Variants in NRG3 observed in about 807,000 individuals in gnomAD.
NRG3 encodes the protein pro-neuregulin-3, membrane-bound isoform.
A neutral mutation model predicts 66.9 loss-of-function variants in NRG3; 31 were observed. The observed-to-expected ratio is 0.46, with a 90% CI of 0.35 to 0.63. The LOEUF (loss-of-function observed/expected upper bound fraction) is 0.63. Ranked by LOEUF, NRG3 falls within the 20% of genes least tolerant of loss-of-function variation. The probability of loss-of-function intolerance (pLI) is 0.00; values close to 1 mark genes in which losing one functional copy is unlikely to be tolerated. For synonymous variants in NRG3, 393 were observed against 359.4 expected (o/e 1.09, Z -1.06); for missense variants, 910 against 878.9 (o/e 1.04, Z -0.45).
intron 1 of NRG3, among the ~76,000 whole-genome samples, chr10:82,174,970 T>A (rs541607821): frequency 1.3e-5 from 2 of 152,310 alleles, no homozygotes; most frequent in East Asian, 3.9e-4. Flanking sequence ...TACTCTAAAT[T>A]GATTTTTCCC....
rs529277035 is a variant in NRG3, at chr10:82,216,923, T to G, written c.824-141816T>G. ...CAAATATCAGGTTGTCTGATCTTAT[T>G]CAGTATGCCATTTGGCTTAAGAAGT... On this transcript the variant is annotated intron_variant, in intron 1 of 8. Coordinates refer to ENST00000372141, the MANE Select transcript of NRG3 (RefSeq NM_001010848.4). 2.0e-5 allele frequency among the ~76,000 whole-genome samples: 3 copies of G among 152,306 alleles called. No homozygotes were observed. In the East Asian group the frequency reaches 5.8e-4, roughly 29 times the overall value.
intron 1 of NRG3, among the ~76,000 whole-genome samples, chr10:81,903,716 G>A (rs1486392940): frequency 2.0e-5 from 3 of 152,202 alleles, no homozygotes; most frequent in Non-Finnish European, 2.9e-5. Context: ...CCTTGCCCAA[G>A]CAACAGTACA....
At chr10:82,101,272 TTTTGA>T (rs2066708641) in intron 1 of NRG3, among the ~76,000 whole-genome samples, 1 of 151,924 alleles carries the variant, frequency 6.6e-6, no homozygotes, top group South Asian at 2.1e-4. Context: ...TTAAAGCAGC[TTTTGA>T]TTTAATTGAT....
chr10:82,224,655 A>G (rs2076089969), intron 1 of NRG3, among the ~76,000 whole-genome samples: 1 of 152,214 alleles, frequency 6.6e-6, no homozygotes, highest in Non-Finnish European at 1.5e-5. Context: ...TGAAATCTAC[A>G]TGACTTAACC....
At position 82,350,142 on chromosome 10, in the gene NRG3, G is replaced by C. The variant is rs181485723; in HGVS notation, c.824-8597G>C. Among the ~76,000 whole-genome samples the C allele has an allele frequency of 4.6e-5, 7 of 152,270 alleles. No individual in the cohort carries two copies. In the East Asian group the frequency reaches 1.2e-3, roughly 25 times the overall value. On this transcript the variant is annotated intron_variant, in intron 1 of 8. Coordinates refer to ENST00000372141, the MANE Select transcript of NRG3 (RefSeq NM_001010848.4). ...GAACATGAAAAAATAAAAAAACCTT[G>C]ATTATTAGCCTCAGGTATGTTCACA...
At chr10:82,401,444 TAG>T (rs527394230) in intron 2 of NRG3, among the ~76,000 whole-genome samples, 285 of 152,176 alleles carry the variant, frequency 1.9e-3, no homozygotes, top group African/African-American at 6.7e-3. Context: ...TGCTTCTAGA[TAG>T]AGAGAAGTAT....
chr10:82,397,651 G>T (rs2086798944), intron 2 of NRG3, among the ~76,000 whole-genome samples: 1 of 152,072 alleles, frequency 6.6e-6, no homozygotes, highest in Admixed American at 6.5e-5. Flanking sequence ...AAATGAATTT[G>T]TTACCTTATT....
At chr10:82,420,705 T>G (rs2088997171) in intron 2 of NRG3, among the ~76,000 whole-genome samples, 1 of 152,138 alleles carries the variant, frequency 6.6e-6, no homozygotes, top group Non-Finnish European at 1.5e-5. Flanking sequence ...TTGATGTTCA[T>G]GTATAAACCT....
intron 1 of NRG3, among the ~76,000 whole-genome samples, chr10:82,050,798 T>TACTCTGTCTCTCCAGCCATGCCTCC (rs2063555661): frequency 6.7e-6 from 1 of 148,992 alleles, no homozygotes; most frequent in Admixed American, 6.8e-5. Context: ...AGACTCCTCC[T>TACTCTGTCTCTCCAGCCATGCCTCC]ACTCTCTGTC....
Position 82,616,075 on chromosome 10 carries a change from T to A in NRG3, c.954-122502T>A, listed in dbSNP as rs147732715. ...CATTCATCCACAGGGATGACTGCCA[T>A]GTGCAAACATACACTGAAAACCTTC... On this transcript the variant is annotated intron_variant, in intron 2 of 8. Transcript: ENST00000372141. 3.5e-3 allele frequency among the ~76,000 whole-genome samples: 531 copies of A among 152,306 alleles called. 5 individuals carry two copies. The highest frequency in any genetic ancestry group is 0.012 in the African/African-American group (504 of 41,572).
intron 2 of NRG3, among the ~76,000 whole-genome samples, chr10:82,584,656 T>C (rs1429492622): frequency 6.6e-6 from 1 of 152,220 alleles, no homozygotes; most frequent in Non-Finnish European, 1.5e-5. Flanking sequence ...TTCATAATTG[T>C]TGCCTTTTTT....
intron 1 of NRG3, among the ~76,000 whole-genome samples, chr10:81,983,713 T>G (rs978813796): frequency 1.3e-5 from 2 of 152,194 alleles, no homozygotes; most frequent in Admixed American, 6.5e-5. Context: ...AATACCTTCT[T>G]CCATGTATAA....
intron 2 of NRG3, among the ~76,000 whole-genome samples, chr10:82,679,353 A>G (rs1426905041): frequency 6.6e-6 from 1 of 152,236 alleles, no homozygotes; most frequent in African/African-American, 2.4e-5. Flanking sequence ...CATACAAAAA[A>G]CAAGTATTTT....
intron 1 of NRG3, among the ~76,000 whole-genome samples, chr10:82,130,118 T>C (rs947048187): frequency 6.6e-6 from 1 of 152,066 alleles, no homozygotes; most frequent in Non-Finnish European, 1.5e-5. Context: ...CTTTCTGTGC[T>C]CCACTGTGTA....
chr10:82,766,066 A>G (rs771622744), intron 3 of NRG3, among the ~76,000 whole-genome samples: 3 of 152,106 alleles, frequency 2.0e-5, no homozygotes, highest in Non-Finnish European at 4.4e-5. Flanking sequence ...TGCTCTTTTG[A>G]TATGTGAGCT....
intron 1 of NRG3, among the ~76,000 whole-genome samples, chr10:82,312,986 G>A (rs940283053): frequency 2.6e-5 from 4 of 152,092 alleles, no homozygotes; most frequent in African/African-American, 9.7e-5. Context: ...AGACCAGCCT[G>A]GCCAACATGG....
At chr10:82,134,961 A>G (rs1055722406) in intron 1 of NRG3, among the ~76,000 whole-genome samples, 1 of 151,756 alleles carries the variant, frequency 6.6e-6, no homozygotes, top group African/African-American at 2.4e-5. Context: ...CATCTCTACT[A>G]AAAAATACCA....
At chr10:82,018,858 A>T (rs1298580484) in intron 1 of NRG3, among the ~76,000 whole-genome samples, 1 of 152,084 alleles carries the variant, frequency 6.6e-6, no homozygotes, top group Non-Finnish European at 1.5e-5. Context: ...GGTTTTCTAG[A>T]TATACAATCA....
intron 2 of NRG3, among the ~76,000 whole-genome samples, chr10:82,588,742 C>G (rs1339814696): frequency 1.3e-5 from 2 of 152,174 alleles, no homozygotes; most frequent in African/African-American, 2.4e-5. Flanking sequence ...ACCTCATGAT[C>G]TGCCCACCTC....
Sources: gnomAD v4.1 joint callset for allele counts (sites outside exome capture counted in the v4.1 genomes callset) on GRCh38, gnomAD v4.1.1 for gene constraint, MANE v1.5 for transcripts, NCBI Gene and HGNC (gene_info 2026-07-23, HGNC 2026-07-21) for gene names.